Variants in ZCCHC17 observed in about 807,000 individuals in gnomAD.
ZCCHC17 encodes the protein zinc finger CCHC-type containing 17.
Under a neutral mutation model 30.6 loss-of-function variants are expected in ZCCHC17, and 18 were observed. The ratio of observed to expected loss-of-function variants is 0.59; its 90% CI spans 0.41 to 0.87. ZCCHC17 has a LOEUF of 0.87. Among genes scored for constraint, ZCCHC17 ranks in the 40% least tolerant of loss-of-function variants. ZCCHC17 has a pLI of 0.00. For synonymous variants in ZCCHC17, 88 were observed against 92.4 expected, an observed-to-expected ratio of 0.95 and a Z score of 0.27; for missense variants, 263 against 284.2, an observed-to-expected ratio of 0.93 and a Z score of 0.54.
chr1:31,328,419 G>C (rs1204033119), intron 3 of ZCCHC17, among the ~76,000 whole-genome samples: 2 of 151,850 alleles, frequency 1.3e-5, no homozygotes, highest in Admixed American at 6.6e-5. Context: ...GGGCTGAGGG[G>C]GTTGTTTGAG....
intron 2 of ZCCHC17, among the ~76,000 whole-genome samples, chr1:31,310,480 G>A (rs1470883450): frequency 6.6e-6 from 1 of 152,196 alleles, no homozygotes; most frequent in Non-Finnish European, 1.5e-5. Flanking sequence ...ATCAACGTTG[G>A]GAGGTAGGAC....
chr1:31,357,633 T>G (rs1348233319), intron 7 of ZCCHC17, among the ~76,000 whole-genome samples: 1 of 152,166 alleles, frequency 6.6e-6, no homozygotes, highest in Non-Finnish European at 1.5e-5. Context: ...GTAAAAATAA[T>G]GTATCAAGTA....
At position 31,343,917 on chromosome 1, in the gene ZCCHC17, C is replaced by T. The variant is rs984130135; in HGVS notation, c.318-2723C>T. On this transcript the variant is annotated intron_variant, in intron 5 of 7. Coordinates refer to ENST00000344147, the MANE Select transcript of ZCCHC17 (RefSeq NM_016505.4). ...GTTGCCCAGGCTGGAGGCAGTGGCA[C>T]GATCTCGGCTCACTGCAACCTCCAC... is the stretch of plus-strand genomic sequence containing the variant. 3.5e-5 allele frequency among the ~76,000 whole-genome samples: 5 copies of T among 144,346 alleles called. No individual in the cohort carries two copies. The East Asian group carries it at 1.0e-3, about 30-fold the overall frequency. 94.7% of individuals were successfully genotyped at this position (144,346 alleles called of 152,430 possible). A position where few individuals can be genotyped will look rare whatever the true frequency, so the allele number is the denominator to read the frequency against.
intron 7 of ZCCHC17, among the ~76,000 whole-genome samples, chr1:31,362,085 C>T (rs1275562180): frequency 3.3e-5 from 5 of 152,226 alleles, no homozygotes; most frequent in Non-Finnish European, 5.9e-5. Flanking sequence ...GCTGGGATTA[C>T]AGGCATGAGC....
In ZCCHC17 at chr1:31,331,852, C is replaced by T. The variant is rs1335877775; in HGVS notation, c.125-5323C>T. Among the ~76,000 whole-genome samples the T allele has an allele frequency of 2.6e-5, 4 of 152,064 alleles. No individual in the cohort carries two copies. In the East Asian group the frequency reaches 7.8e-4, roughly 30 times the overall value. ...CTCTCGATCTCTTGACCTCCTGATC[C>T]GCCTGCCTCAGCCTCCCAAAGTGCT... On this transcript the variant is annotated intron_variant, in intron 3 of 7. Coordinates refer to ENST00000344147, the MANE Select transcript of ZCCHC17 (RefSeq NM_016505.4).
chr1:31,307,544 C>T (rs1442748754), intron 1 of ZCCHC17, among the ~76,000 whole-genome samples: 1 of 150,576 alleles, frequency 6.6e-6, no homozygotes, highest in African/African-American at 2.4e-5. Flanking sequence ...GCTGGGATTA[C>T]AGGCGCCTGC....
At position 31,319,110 on chromosome 1, in the gene ZCCHC17, T is replaced by G. The variant is rs1450252368; in HGVS notation, c.68T>G (p.Val23Gly). 2 of 1,608,904 alleles carry G rather than the reference T, an allele frequency of 1.2e-6. No homozygotes were observed. The highest frequency in any genetic ancestry group is 1.7e-6 in the Non-Finnish European group (2 of 1,176,298). The change falls in exon 3 of 8, where the codon GTT becomes GGT. Residue 23 changes from valine to glycine, a missense_variant and splice_region_variant. Transcript: ENST00000344147. ...GATTTTTTTCCCCCATCTTTATAGG[T>G]TGCTATGGTGACAGACTATGGGGCC... ...PALYTIFQGE[V>G]AMVTDYGAFI...
At chr1:31,353,627 C>T (rs545268365) in intron 7 of ZCCHC17, among the ~76,000 whole-genome samples, 8 of 152,182 alleles carry the variant, frequency 5.3e-5, no homozygotes, top group Admixed American at 1.3e-4. Flanking sequence ...TTAGCTCTTA[C>T]GTTTAGGTCT....
intron 3 of ZCCHC17, among the ~76,000 whole-genome samples, chr1:31,325,281 C>T (rs1638292150): frequency 6.6e-6 from 1 of 152,234 alleles, no homozygotes; most frequent in Non-Finnish European, 1.5e-5. Context: ...TGCTTACCCT[C>T]CAGTTGTCTG....
At chr1:31,330,427 A>T (rs979513104) in intron 3 of ZCCHC17, among the ~76,000 whole-genome samples, 1 of 152,162 alleles carries the variant, frequency 6.6e-6, no homozygotes, top group African/African-American at 2.4e-5. Flanking sequence ...TTATGGCTTG[A>T]TGTCAGAAAT....
intron 1 of ZCCHC17, among the ~76,000 whole-genome samples, chr1:31,309,289 A>G (rs958847132): frequency 6.6e-6 from 1 of 152,118 alleles, no homozygotes; most frequent in Admixed American, 6.6e-5. Context: ...TATAATAGTA[A>G]TAGAACTTAC....
chr1:31,318,168 T>C, intron 2 of ZCCHC17: 1 of 1,534,208 alleles, frequency 6.5e-7, no homozygotes, highest in East Asian at 2.4e-5. Context: ...TTGTTTTAGT[T>C]ATGGTGAAGC....
At chr1:31,324,548 G>T (rs1638261568) in intron 3 of ZCCHC17, among the ~76,000 whole-genome samples, 1 of 152,222 alleles carries the variant, frequency 6.6e-6, no homozygotes, top group South Asian at 2.1e-4. Context: ...AGAAGTGCCT[G>T]CTCCCACTGC....
rs180893824 is a variant in ZCCHC17 at position 31,326,156 on chromosome 1, A to G, written c.124+6990A>G. ...CTTTATATAGTTTAAATTACTGCCTATGTTTAGAAGAAAGGCTGGAGGAAT... is the reference window on the plus strand; with the variant it reads ...CTTTATATAGTTTAAATTACTGCCTGTGTTTAGAAGAAAGGCTGGAGGAAT... On this transcript the variant is annotated intron_variant, in intron 3 of 7. Transcript: ENST00000344147. 5.1e-3 allele frequency among the ~76,000 whole-genome samples: 783 copies of G among 152,276 alleles called. 4 individuals carry two copies. Among genetic ancestry groups the G allele is most frequent in the Non-Finnish European group, 9.0e-3 (615 of 68,006 alleles).
intron 5 of ZCCHC17, among the ~76,000 whole-genome samples, chr1:31,344,100 CTG>C (rs1639154173): frequency 6.6e-6 from 1 of 151,944 alleles, no homozygotes; most frequent in Non-Finnish European, 1.5e-5. Flanking sequence ...GGTGATCTTC[CTG>C]TCTCGGCCTC....
At chr1:31,337,053 G>A (rs1365516240) in intron 3 of ZCCHC17, 122 bp from the exon 4 acceptor site, 16 of 812,280 alleles carry the variant, frequency 2.0e-5, no homozygotes, top group Non-Finnish European at 2.1e-5. Flanking sequence ...TAAGTTTCAC[G>A]CTTTTCAGTA....
At chr1:31,357,555 T>A (rs1436941486) in intron 7 of ZCCHC17, among the ~76,000 whole-genome samples, 3 of 152,206 alleles carry the variant, frequency 2.0e-5, no homozygotes, top group Non-Finnish European at 2.9e-5. Context: ...CCTATCTTCA[T>A]GGCACTTAGA....
Position 31,364,279 on chromosome 1 carries a change from A to G in ZCCHC17, c.*86A>G. ...CTCCTGGAAAGACTCAATAGTGAGA[A>G]TATAGCCTCCCACCCCATTAACTTC... On this transcript the variant is annotated 3_prime_UTR_variant, in exon 8 of 8. Coordinates refer to ENST00000344147, the MANE Select transcript of ZCCHC17 (RefSeq NM_016505.4). 2.0e-6 allele frequency: 3 copies of G among 1,489,158 alleles called. 1 individual carries two copies. The South Asian group carries it at 4.1e-5, about 20-fold the overall frequency. The allele number at this position is 1,489,158 out of a possible 1,614,324, so 92.2% of individuals were successfully genotyped here.
chr1:31,363,357 G>A (rs1384403452), intron 7 of ZCCHC17, among the ~76,000 whole-genome samples: 2 of 151,960 alleles, frequency 1.3e-5, no homozygotes, highest in Non-Finnish European at 2.9e-5. Flanking sequence ...CTAATATTTT[G>A]TATTTTTAGT....
Sources: allele counts gnomAD v4.1 joint callset (sites outside exome capture counted in the v4.1 genomes callset), GRCh38; gene constraint gnomAD v4.1.1; transcripts MANE v1.5; gene names NCBI Gene and HGNC (gene_info 2026-07-23, HGNC 2026-07-21).